The following C3orf33 variants were observed in gnomAD, a reference collection of about 807,000 sequenced individuals.
The protein encoded by C3orf33 is mitochondrial inner membrane subdomain organizer 1, also known as AP-1 activity suppressor.
A neutral mutation model predicts 28.7 loss-of-function variants in C3orf33; 23 were observed. That is an observed-to-expected ratio of 0.80 (90% CI 0.58 to 1.13). The LOEUF is 1.13. Among genes scored for constraint, C3orf33 ranks in the 50% most tolerant of loss-of-function variants. C3orf33 has a pLI of 0.00. For missense variants in C3orf33, 327 were observed against 353.4 expected (o/e 0.93, Z 0.60); for synonymous variants, 119 against 120.5 (o/e 0.99, Z 0.08).
At chr3:155,781,852 C>T (rs895321472) in intron 2 of C3orf33, among the ~76,000 whole-genome samples, 1 of 147,878 alleles carries the variant, frequency 6.8e-6, no homozygotes, top group African/African-American at 2.5e-5. Flanking sequence ...CTGAGACAGG[C>T]AGATCACCAG....
intron 3 of C3orf33, among the ~76,000 whole-genome samples, chr3:155,771,232 A>G (rs1020770368): frequency 2.6e-5 from 4 of 152,090 alleles, no homozygotes; most frequent in Admixed American, 2.6e-4. Context: ...CAGCCTCGCA[A>G]GTAACCAGGG....
intron 4 of C3orf33, among the ~76,000 whole-genome samples, chr3:155,766,963 C>T (rs941977299): frequency 6.8e-6 from 1 of 147,302 alleles, no homozygotes. Flanking sequence ...AAATAATAAT[C>T]ATAAACAATA....
chr3:155,767,195 G>A (rs1750436545), intron 4 of C3orf33, among the ~76,000 whole-genome samples: 1 of 151,848 alleles, frequency 6.6e-6, no homozygotes, highest in Non-Finnish European at 1.5e-5. Flanking sequence ...AGAGGTTGCA[G>A]TGGCCGAGAT....
At chr3:155,783,639 T>C (rs1210384292) in intron 2 of C3orf33, among the ~76,000 whole-genome samples, 1 of 151,954 alleles carries the variant, frequency 6.6e-6, no homozygotes, top group Non-Finnish European at 1.5e-5. Flanking sequence ...GCTAAGTTTT[T>C]GTATTGTAGT....
chr3:155,787,347 C>CTTTTTTT (rs3068987), intron 2 of C3orf33, among the ~76,000 whole-genome samples: 1 of 104,114 alleles, frequency 9.6e-6, no homozygotes, highest in African/African-American at 3.9e-5. Context: ...CACAGGTATG[C>CTTTTTTT]TTTTTTTTTT....
At position 155,775,773 on chromosome 3, in the gene C3orf33, G is replaced by A. The variant is rs369831735; in HGVS notation, c.250C>T (p.Arg84Cys). The change falls in exon 3 of 5, where the codon CGC becomes TGC. Residue 84 changes from arginine (R) to cysteine (C), a missense_variant. Coordinates refer to ENST00000340171, the MANE Select transcript of C3orf33 (RefSeq NM_001308229.2). Reference protein sequence around the residue: ...RRNVKLRGRLRRITENGLEIE... With the variant: ...RRNVKLRGRLCRITENGLEIE... The stretch of plus-strand genomic sequence containing the variant: ...TCTAAACCATTCTCAGTTATTCGGC[G>A]TAATCGTCCACGTAGTTTAACATTT... The A allele has an allele frequency of 7.5e-5, 119 of 1,593,294 alleles. No individual in the cohort carries two copies. The highest frequency in any genetic ancestry group is 3.4e-4 in the Middle Eastern group (2 of 5,864).
Position 155,769,398 on chromosome 3 carries a change from G to C in C3orf33, c.323-1729C>G, listed in dbSNP as rs182190100. On this transcript the variant is annotated intron_variant, in intron 3 of 4. Coordinates refer to ENST00000340171, the MANE Select transcript of C3orf33 (RefSeq NM_001308229.2). ...AGCTACTCAGGAGGCTGAGGCACGA[G>C]AATCACTTCAATCTAGGAGGCAGAA... is the stretch of plus-strand genomic sequence containing the variant. Among the ~76,000 whole-genome samples, 56 of 146,752 alleles carry C rather than the reference G, an allele frequency of 3.8e-4. No individual in the cohort carries two copies. In the East Asian group the frequency reaches 9.6e-3, roughly 25 times the overall value.
chr3:155,801,712 GAGGGGAA>G (rs1751656024), intron 2 of C3orf33, among the ~76,000 whole-genome samples: 1 of 152,074 alleles, frequency 6.6e-6, no homozygotes, highest in South Asian at 2.1e-4. Flanking sequence ...GCCAGGGGAT[GAGGGGAA>G]AGGGAAGTTG....
chr3:155,771,934 G>GTGGC (rs1434187598), intron 3 of C3orf33, among the ~76,000 whole-genome samples: 1 of 152,164 alleles, frequency 6.6e-6, no homozygotes, highest in Non-Finnish European at 1.5e-5. Context: ...GCCAGGTGCA[G>GTGGC]TGGCTCAGCC....
At chr3:155,799,819 G>T (rs988782220) in intron 2 of C3orf33, among the ~76,000 whole-genome samples, 6 of 152,112 alleles carry the variant, frequency 3.9e-5, no homozygotes, top group Non-Finnish European at 8.8e-5. Flanking sequence ...AGCAGAGAGA[G>T]ACAAACTTTG....
chr3:155,769,086 G>A (rs1010065795), intron 3 of C3orf33, among the ~76,000 whole-genome samples: 1 of 152,202 alleles, frequency 6.6e-6, no homozygotes, highest in Non-Finnish European at 1.5e-5. Context: ...GCTGAGGCAG[G>A]TGGATCACCT....
chr3:155,805,994 T>G, intron 1 of C3orf33, 145 bp downstream of exon 1: 3 of 544,334 alleles, frequency 5.5e-6, no homozygotes, highest in Non-Finnish European at 9.1e-6. Flanking sequence ...ACACTCGCGA[T>G]GTCGCCCTCT....
intron 3 of C3orf33, among the ~76,000 whole-genome samples, chr3:155,772,918 G>C (rs898732831): frequency 6.6e-6 from 1 of 151,890 alleles, no homozygotes; most frequent in Non-Finnish European, 1.5e-5. Flanking sequence ...GTTTGATGGT[G>C]GTGGGAACCA....
chr3:155,775,282 A>G (rs953073220), intron 3 of C3orf33, among the ~76,000 whole-genome samples: 4 of 152,086 alleles, frequency 2.6e-5, no homozygotes, highest in African/African-American at 9.7e-5. Context: ...CTGAAGTCAG[A>G]AGTCCAAGAC....
chr3:155,776,867 C>T (rs937593066), intron 2 of C3orf33, among the ~76,000 whole-genome samples: 5 of 150,668 alleles, frequency 3.3e-5, no homozygotes, highest in African/African-American at 1.2e-4. Context: ...GAGACAAACC[C>T]AGAATGTGGA....
intron 3 of C3orf33, among the ~76,000 whole-genome samples, 151 bp from the exon 4 acceptor site, chr3:155,767,820 C>T (rs1319828387): frequency 6.6e-6 from 1 of 152,164 alleles, no homozygotes; most frequent in African/African-American, 2.4e-5. Flanking sequence ...TTTCTATATT[C>T]AAGTTTTCTT....
chr3:155,787,798 G>A (rs945529773), intron 2 of C3orf33, among the ~76,000 whole-genome samples: 1 of 151,504 alleles, frequency 6.6e-6, no homozygotes, highest in Non-Finnish European at 1.5e-5. Context: ...ACAAGTTTAA[G>A]CCACCACACA....
intron 2 of C3orf33, among the ~76,000 whole-genome samples, chr3:155,786,283 C>A (rs1751102662): frequency 6.6e-6 from 1 of 151,572 alleles, no homozygotes; most frequent in Admixed American, 6.6e-5. Context: ...AGAGTGCAGA[C>A]AGGAAGGAGA....
chr3:155,769,897 C>T (rs1020864951), intron 3 of C3orf33, among the ~76,000 whole-genome samples: 6 of 152,152 alleles, frequency 3.9e-5, no homozygotes, highest in African/African-American at 1.4e-4. Flanking sequence ...CTGATTGATC[C>T]CCAACCTCCA....
Sources: allele counts gnomAD v4.1 joint callset (sites outside exome capture counted in the v4.1 genomes callset), GRCh38; gene constraint gnomAD v4.1.1; transcripts MANE v1.5; gene names NCBI Gene and HGNC (gene_info 2026-07-23, HGNC 2026-07-21).